ADAMTS20: variants seen among roughly 807,000 people sequenced by gnomAD.
ADAMTS20 encodes ADAM metallopeptidase with thrombospondin type 1 motif 20, also known as A disintegrin and metalloproteinase with thrombospondin motifs 20.
Under a neutral mutation model 260.1 loss-of-function variants are expected in ADAMTS20, and 225 were observed. The ratio of observed to expected loss-of-function variants is 0.87; its 90% CI spans 0.78 to 0.97. The LOEUF is 0.97. Ranked by LOEUF, ADAMTS20 falls within the 50% of genes least tolerant of loss-of-function variation. ADAMTS20 has a pLI of 0.00. For missense variants in ADAMTS20, 2,400 were observed against 2,337.7 expected (o/e 1.03, Z -0.55); for synonymous variants, 802 against 769.5 (o/e 1.04, Z -0.70).
intron 3 of ADAMTS20, among the ~76,000 whole-genome samples, chr12:43,505,996 C>T (rs1942835369): frequency 6.6e-6 from 1 of 152,130 alleles, no homozygotes. Flanking sequence ...TGGTGGCATG[C>T]ACCTGTAGTT....
At chr12:43,480,216 A>G (rs1942420599) in intron 7 of ADAMTS20, among the ~76,000 whole-genome samples, 1 of 152,330 alleles carries the variant, frequency 6.6e-6, no homozygotes, top group Non-Finnish European at 1.5e-5. Flanking sequence ...ATGAAACCTT[A>G]TAATCAAAAT....
chr12:43,366,534 T>C (rs957315637), intron 37 of ADAMTS20, among the ~76,000 whole-genome samples: 3 of 151,914 alleles, frequency 2.0e-5, no homozygotes, highest in African/African-American at 7.2e-5. Flanking sequence ...ATGTATTGAA[T>C]GTTTTCCAGG....
At chr12:43,487,043 T>G (rs1485016093) in intron 7 of ADAMTS20, among the ~76,000 whole-genome samples, 2 of 152,192 alleles carry the variant, frequency 1.3e-5, no homozygotes, top group East Asian at 3.8e-4. Context: ...AAAATAGATC[T>G]ACCATTTGAT....
chr12:43,386,959 T>C (rs1172097194), intron 29 of ADAMTS20, among the ~76,000 whole-genome samples: 1 of 152,192 alleles, frequency 6.6e-6, no homozygotes, highest in Non-Finnish European at 1.5e-5. Flanking sequence ...AGGAGTTTGT[T>C]ATTACCCACC....
intron 29 of ADAMTS20, 41 bp downstream of exon 29, chr12:43,399,025 C>A: frequency 8.3e-7 from 1 of 1,211,942 alleles, no homozygotes; most frequent in Non-Finnish European, 1.1e-6. Context: ...TTTTTAAATA[C>A]AAAAAAATAC....
intron 2 of ADAMTS20, among the ~76,000 whole-genome samples, chr12:43,539,174 A>G (rs1040828336): frequency 1.3e-5 from 2 of 151,846 alleles, no homozygotes; most frequent in Non-Finnish European, 2.9e-5. Context: ...GCTGGTCTTG[A>G]ACTCCTGACC....
chr12:43,440,136 T>TA, intron 16 of ADAMTS20, 67 bp from the exon 17 acceptor site: 152 of 1,099,432 alleles, frequency 1.4e-4, no homozygotes, highest in Middle Eastern at 2.9e-4. Flanking sequence ...AACACTTGTT[T>TA]AACTTTTTTT....
At chr12:43,375,130 C>T (rs1171784376) in intron 36 of ADAMTS20, among the ~76,000 whole-genome samples, 1 of 142,306 alleles carries the variant, frequency 7.0e-6, no homozygotes, top group African/African-American at 2.6e-5. Context: ...CAAGATCATG[C>T]CATTGCACTC....
At chr12:43,538,953 C>CTTTTTTTT (rs36106874) in intron 2 of ADAMTS20, among the ~76,000 whole-genome samples, 17 of 117,534 alleles carry the variant, frequency 1.4e-4, no homozygotes, top group African/African-American at 2.9e-4. Flanking sequence ...TATGAACATT[C>CTTTTTTTT]TTTTTTTTTT....
intron 29 of ADAMTS20, among the ~76,000 whole-genome samples, chr12:43,393,243 C>CAG (rs1242170710): frequency 6.6e-6 from 1 of 151,908 alleles, no homozygotes; most frequent in Non-Finnish European, 1.5e-5. Context: ...TGTTATAGAA[C>CAG]TAATATAAGC....
chr12:43,466,580 C>A, intron 9 of ADAMTS20, 72 bp downstream of exon 9: 1 of 1,404,984 alleles, frequency 7.1e-7, no homozygotes, highest in Non-Finnish European at 9.8e-7. Context: ...GAAATTGAAC[C>A]ACCTTTAAAA....
intron 29 of ADAMTS20, among the ~76,000 whole-genome samples, chr12:43,391,268 T>G (rs1181860450): frequency 6.6e-6 from 1 of 152,230 alleles, no homozygotes; most frequent in Non-Finnish European, 1.5e-5. Flanking sequence ...AGTCCCTACC[T>G]CCTAATACCA....
chr12:43,417,611 C>T (rs1365164938), intron 28 of ADAMTS20, among the ~76,000 whole-genome samples: 1 of 152,106 alleles, frequency 6.6e-6, no homozygotes, highest in Admixed American at 6.6e-5. Flanking sequence ...TTTGAGAGAT[C>T]TTATTGAACA....
At chr12:43,442,878 G>A (rs181241865) in intron 16 of ADAMTS20, among the ~76,000 whole-genome samples, 2 of 152,166 alleles carry the variant, frequency 1.3e-5, no homozygotes, top group East Asian at 1.9e-4. Flanking sequence ...TCACGATGAC[G>A]TACAACCATC....
intron 3 of ADAMTS20, among the ~76,000 whole-genome samples, chr12:43,529,781 C>T (rs1349217829): frequency 2.0e-5 from 3 of 152,016 alleles, no homozygotes; most frequent in Admixed American, 2.0e-4. Context: ...AACCAAAAAC[C>T]ACTAGTACTC....
chr12:43,467,262 C>T (rs570266757), intron 8 of ADAMTS20, among the ~76,000 whole-genome samples: 1 of 151,970 alleles, frequency 6.6e-6, no homozygotes, highest in African/African-American at 2.4e-5. Flanking sequence ...ATATGAAAGA[C>T]CCTAAATACT....
intron 7 of ADAMTS20, among the ~76,000 whole-genome samples, chr12:43,488,068 T>A (rs1157600776): frequency 6.6e-6 from 1 of 152,158 alleles, no homozygotes; most frequent in African/African-American, 2.4e-5. Flanking sequence ...TTTTGAGGGT[T>A]AGAAGAAGAG....
chr12:43,494,707 T>C (rs1374921153), intron 4 of ADAMTS20, among the ~76,000 whole-genome samples: 1 of 152,154 alleles, frequency 6.6e-6, no homozygotes, highest in East Asian at 1.9e-4. Flanking sequence ...TATTTCTCAC[T>C]TTAAAATAGG....
chr12:43,507,144 AT>A (rs1942857020), intron 3 of ADAMTS20, among the ~76,000 whole-genome samples: 1 of 152,188 alleles, frequency 6.6e-6, no homozygotes, highest in South Asian at 2.1e-4. Context: ...CTGTGAGGTG[AT>A]GATGTGTTAA....
Sources: allele counts gnomAD v4.1 joint callset (sites outside exome capture counted in the v4.1 genomes callset), GRCh38; gene constraint gnomAD v4.1.1; transcripts MANE v1.5; gene names NCBI Gene and HGNC (gene_info 2026-07-23, HGNC 2026-07-21).